Variants in QKI observed in about 807,000 individuals in gnomAD.
The protein encoded by QKI is KH domain-containing RNA-binding protein QKI.
QKI carries 10 observed loss-of-function variants against 39.0 expected under a neutral mutation model. That is an observed-to-expected ratio of 0.26 (90% CI 0.16 to 0.43). QKI has a LOEUF of 0.43. Among genes scored for constraint, QKI ranks in the 20% least tolerant of loss-of-function variants. QKI has a pLI of 1.00. For synonymous variants in QKI, 204 were observed against 155.4 expected, an observed-to-expected ratio of 1.31 and a Z score of -2.33; for missense variants, 218 against 428.0, an observed-to-expected ratio of 0.51 and a Z score of 4.33.
At chr6:163,468,035 A>T (rs1479624182) in intron 2 of QKI, among the ~76,000 whole-genome samples, 1 of 152,060 alleles carries the variant, frequency 6.6e-6, no homozygotes, top group African/African-American at 2.4e-5. Context: ...TATAGACACA[A>T]CTCTTCTCTC....
intron 3 of QKI, among the ~76,000 whole-genome samples, chr6:163,501,526 A>T (rs1036701138): frequency 2.6e-5 from 4 of 152,174 alleles, no homozygotes; most frequent in African/African-American, 9.7e-5. Context: ...GAGGAGGGAG[A>T]ACCCCGTTCC....
At chr6:163,544,531 C>G (rs148841618) in intron 4 of QKI, among the ~76,000 whole-genome samples, 3 of 152,180 alleles carry the variant, frequency 2.0e-5, no homozygotes, top group African/African-American at 7.2e-5. Flanking sequence ...ACATCACTTA[C>G]ACTTTGCGTG....
At chr6:163,478,558 T>A (rs1358611453) in intron 2 of QKI, among the ~76,000 whole-genome samples, 1 of 152,236 alleles carries the variant, frequency 6.6e-6, no homozygotes, top group East Asian at 1.9e-4. Context: ...TCCCAGTTCA[T>A]AGTTTGTGTT....
intron 2 of QKI, among the ~76,000 whole-genome samples, chr6:163,477,928 G>A (rs1433399958): frequency 6.6e-6 from 1 of 152,174 alleles, no homozygotes; most frequent in Non-Finnish European, 1.5e-5. Flanking sequence ...ATAAGAATCA[G>A]TACCTATTTG....
intron 1 of QKI, among the ~76,000 whole-genome samples, chr6:163,448,021 A>G (rs796652619): frequency 7.3e-4 from 111 of 152,326 alleles, no homozygotes; most frequent in African/African-American, 2.5e-3. Flanking sequence ...AAATTTGATC[A>G]TACAGTAGAG....
At chr6:163,531,879 A>C (rs1780875515) in intron 3 of QKI, among the ~76,000 whole-genome samples, 1 of 152,188 alleles carries the variant, frequency 6.6e-6, no homozygotes, top group South Asian at 2.1e-4. Context: ...CATTCCATTA[A>C]TTTCTCCATC....
intron 6 of QKI, 108 bp from the exon 7 acceptor site, chr6:163,566,613 T>C (rs1783373566): frequency 1.9e-6 from 3 of 1,543,698 alleles, no homozygotes; most frequent in Admixed American, 2.0e-5. Flanking sequence ...TCTTAAACTT[T>C]TGTAGTAAAT....
rs369173904 is a variant in QKI at position 163,426,095 on chromosome 6, C to T, written c.142+10760C>T. 8.5e-5 allele frequency among the ~76,000 whole-genome samples: 13 copies of T among 152,246 alleles called. No homozygotes were observed. In the South Asian group the frequency reaches 2.5e-3, roughly 29 times the overall value. On this transcript the variant is annotated intron_variant, in intron 1 of 7. Transcript: ENST00000361752. ...ATTACACTGAGCAAGATGGATTAAT[C>T]CTACAGATAACGTAATAACCAGTCC...
rs188138369 is a variant in QKI, at chr6:163,460,623, C to T, written c.285+5202C>T. ...GGTGTCAAATTGGGTGTTGAGCTGG[C>T]GTTTGTTTTAGAGGGATTATGGGGA... On this transcript the variant is annotated intron_variant, in intron 2 of 7. Transcript: ENST00000361752. Among the ~76,000 whole-genome samples, 524 of 152,102 alleles carry T rather than the reference C, an allele frequency of 3.4e-3. 11 individuals are homozygous for T. The highest frequency in any genetic ancestry group is 0.03 in the Admixed American group (453 of 15,270).
At chr6:163,429,198 ATTTC>A (rs1220246749) in intron 1 of QKI, among the ~76,000 whole-genome samples, 9 of 152,166 alleles carry the variant, frequency 5.9e-5, no homozygotes, top group Non-Finnish European at 1.0e-4. Flanking sequence ...AGAAGCTTGA[ATTTC>A]TTTCAGTAAT....
intron 6 of QKI, chr6:163,564,397 G>T (rs372835619): frequency 9.1e-6 from 12 of 1,311,736 alleles, no homozygotes; most frequent in Middle Eastern, 5.8e-4. Flanking sequence ...TAAGTGGTCC[G>T]TTGTTGACCA....
rs74531116 is a variant in QKI at position 163,452,575 on chromosome 6, G to T, written c.143-2704G>T. On this transcript the variant is annotated intron_variant, in intron 1 of 7. Transcript: ENST00000361752. ...TTCCAGGCACTGTTCAAGGACCTGC[G>T]GACACACTGGGTAACAGAATCTCAT... Among the ~76,000 whole-genome samples the T allele has an allele frequency of 2.9e-3, 435 of 152,156 alleles. 2 individuals are homozygous for T. The highest frequency in any genetic ancestry group is 9.7e-3 in the African/African-American group (403 of 41,510).
chr6:163,436,161 G>A (rs980838157), intron 1 of QKI, among the ~76,000 whole-genome samples: 1 of 152,164 alleles, frequency 6.6e-6, no homozygotes, highest in African/African-American at 2.4e-5. Context: ...TCCAAGCAAG[G>A]TAAATGTTTA....
At chr6:163,460,442 A>C (rs1791263706) in intron 2 of QKI, among the ~76,000 whole-genome samples, 1 of 152,156 alleles carries the variant, frequency 6.6e-6, no homozygotes, top group African/African-American at 2.4e-5. Flanking sequence ...AGTACACTCC[A>C]CTGTCTCTCT....
rs763811466 is a variant in QKI, at chr6:163,467,153, T to TCA, written c.286-11609_286-11608dup. On this transcript the variant is annotated intron_variant, in intron 2 of 7. Transcript: ENST00000361752. The stretch of plus-strand genomic sequence containing the variant: ...AAGGCTTATGAAAAGGTGCTTAACA[T>TCA]CACACACACACACACACACGTGCGT... Among the ~76,000 whole-genome samples the TCA allele has an allele frequency of 8.5e-3, 1,276 of 150,214 alleles. 18 individuals carry two copies. Among genetic ancestry groups the TCA allele is most frequent in the Admixed American group, 0.021 (319 of 15,046 alleles).
chr6:163,518,145 TTCTTA>T (rs1487660097), intron 3 of QKI, among the ~76,000 whole-genome samples: 1 of 152,240 alleles, frequency 6.6e-6, no homozygotes, highest in Non-Finnish European at 1.5e-5. Flanking sequence ...AGATGTCTGA[TTCTTA>T]TCTTAAATGG....
In QKI at chr6:163,415,121, C is replaced by T. The variant is rs533520219; in HGVS notation, c.-73C>T. 1,717 of 1,125,988 alleles carry T rather than the reference C, an allele frequency of 1.5e-3. 10 individuals carry two copies. The highest frequency in any genetic ancestry group is 8.0e-3 in the South Asian group (275 of 34,204). The allele number at this position is 1,125,988 out of a possible 1,614,324, so 69.7% of individuals were successfully genotyped here. A position where few individuals can be genotyped will look rare whatever the true frequency, so the allele number is the denominator to read the frequency against. On this transcript the variant is annotated 5_prime_UTR_variant, in exon 1 of 8. Transcript: ENST00000361752. ...TCCCGAGCGGCCCGCGGCCGGGGCTCGCCCCCGCCCCTCCCTCCTCTCCGG... is the reference window on the plus strand; with the variant it reads ...TCCCGAGCGGCCCGCGGCCGGGGCTTGCCCCCGCCCCTCCCTCCTCTCCGG...
chr6:163,541,673 A>G (rs1248379111), intron 4 of QKI, among the ~76,000 whole-genome samples: 2 of 152,044 alleles, frequency 1.3e-5, no homozygotes, highest in East Asian at 1.9e-4. Flanking sequence ...TAATCCGTCT[A>G]TTATAGCTTA....
rs11438124 is a variant in QKI, at chr6:163,428,747, CT to C, written c.142+13425del. On this transcript the variant is annotated intron_variant, in intron 1 of 7. Transcript: ENST00000361752. ...ATTTTCCTAGTTCAGTTATATTGAG[CT>C]TTTTTTTTTTTTAAACTGTCAAGGC... Among the ~76,000 whole-genome samples, 693 of 147,192 alleles carry C rather than the reference CT, an allele frequency of 4.7e-3. 5 individuals carry two copies. The highest frequency in any genetic ancestry group is 0.015 in the African/African-American group (599 of 40,318).
Sources: allele counts gnomAD v4.1 joint callset (sites outside exome capture counted in the v4.1 genomes callset), GRCh38; gene constraint gnomAD v4.1.1; transcripts MANE v1.5; gene names NCBI Gene and HGNC (gene_info 2026-07-23, HGNC 2026-07-21).